POTEJ: variants seen among roughly 807,000 people sequenced by gnomAD.
POTEJ encodes the protein POTE ankyrin domain family, member J.
POTEJ carries 11 observed loss-of-function variants against 69.0 expected under a neutral mutation model. The ratio of observed to expected loss-of-function variants is 0.16; its 90% CI spans 0.10 to 0.26. The LOEUF (loss-of-function observed/expected upper bound fraction) is 0.26. Ranked by LOEUF, POTEJ falls within the 10% of genes least tolerant of loss-of-function variation. POTEJ has a pLI of 1.00. For synonymous variants in POTEJ, 117 were observed against 381.1 expected (o/e 0.31, Z 8.07); for missense variants, 327 against 1,045.5 (o/e 0.31, Z 9.48).
intron 4 of POTEJ, among the ~76,000 whole-genome samples, chr2:130,620,630 T>G (rs377137537): frequency 3.2e-5 from 2 of 62,830 alleles, no homozygotes; most frequent in Non-Finnish European, 5.2e-5. Flanking sequence ...GTTAGCTTAT[T>G]GCTACATGAC....
intron 6 of POTEJ, among the ~76,000 whole-genome samples, chr2:130,625,256 A>C (rs1685660905): frequency 6.6e-6 from 1 of 152,134 alleles, no homozygotes; most frequent in South Asian, 2.1e-4. Context: ...ATTTACAAAG[A>C]AAACATTGCT....
intron 10 of POTEJ, among the ~76,000 whole-genome samples, chr2:130,640,122 T>C (rs1686292809): frequency 6.7e-6 from 1 of 149,114 alleles, no homozygotes; most frequent in Non-Finnish European, 1.5e-5. Flanking sequence ...AGAAGAATTT[T>C]TCAGGGAAAG....
intron 1 of POTEJ, among the ~76,000 whole-genome samples, chr2:130,613,566 A>G (rs1423076713): frequency 7.4e-6 from 1 of 135,114 alleles, no homozygotes; most frequent in Non-Finnish European, 1.5e-5. Context: ...ATGCCTGGCT[A>G]ATTGTTTTGT....
At chr2:130,614,167 G>GA (rs71273213) in intron 1 of POTEJ, among the ~76,000 whole-genome samples, 343 of 51,956 alleles carry the variant, frequency 6.6e-3, no homozygotes, top group Middle Eastern at 0.025. Context: ...AAAAAAAAAA[G>GA]AAAAAAAAAA....
intron 13 of POTEJ, among the ~76,000 whole-genome samples, chr2:130,650,129 T>G (rs1443574728): frequency 0.011 from 1,618 of 144,392 alleles, 4 homozygotes; most frequent in African/African-American, 0.045. Flanking sequence ...TTGAGGGAAG[T>G]TTCAATGAAA....
At chr2:130,628,796 C>G (rs1245279965) in intron 6 of POTEJ, among the ~76,000 whole-genome samples, 2 of 149,816 alleles carry the variant, frequency 1.3e-5, no homozygotes, top group Admixed American at 1.3e-4. Flanking sequence ...CTGGAGCAGG[C>G]AGATCACAAG....
chr2:130,613,384 G>GTGTATATATATA (rs775956806), intron 1 of POTEJ, among the ~76,000 whole-genome samples: 2 of 83,578 alleles, frequency 2.4e-5, no homozygotes, highest in African/African-American at 4.6e-5. Context: ...GTGTGTGTGT[G>GTGTATATATATA]TATATATATA....
chr2:130,657,552 G>A lies in POTEJ; in HGVS notation c.2792G>A (p.Gly931Asp), dbSNP rs758787857. The change falls in exon 15 of 15, where the codon GGC becomes GAC. Residue 931 changes from glycine to aspartate, a missense_variant. Transcript: ENST00000409602. Reference sequence around the variant, plus strand: ...GCGCTCTTCCAGCCTTGCTTCCTGGGCATGGAATCCTGTGGCATCCATGAA... The same window carrying A: ...GCGCTCTTCCAGCCTTGCTTCCTGGACATGGAATCCTGTGGCATCCATGAA... ...PEALFQPCFL[G>D]MESCGIHETT... The A allele has an allele frequency of 5.1e-6, 8 of 1,562,044 alleles. 2 individuals carry two copies. The Admixed American group carries it at 6.9e-5, about 13-fold the overall frequency.
chr2:130,632,815 A>T (rs1217483037), intron 9 of POTEJ, among the ~76,000 whole-genome samples, 159 bp downstream of exon 9: 5 of 143,654 alleles, frequency 3.5e-5, no homozygotes, highest in African/African-American at 1.4e-4. Flanking sequence ...ATGAGTTACC[A>T]TTTTTCCAGT....
rs775956806 is a variant in POTEJ, at chr2:130,613,384, G to GTGTATATA, written c.410+1443_410+1444insGTATATAT. Among the ~76,000 whole-genome samples the GTGTATATA allele has an allele frequency of 3.0e-3, 250 of 83,554 alleles. 11 individuals are homozygous for GTGTATATA. Among genetic ancestry groups the GTGTATATA allele is most frequent in the African/African-American group, 9.8e-3 (213 of 21,798 alleles). 54.8% of individuals were successfully genotyped at this position (83,554 alleles called of 152,430 possible). On this transcript the variant is annotated intron_variant, in intron 1 of 14. Coordinates refer to ENST00000409602, the MANE Select transcript of POTEJ (RefSeq NM_001277083.2). The stretch of plus-strand genomic sequence containing the variant: ...TATACATATATATGTGTGTGTGTGT[G>GTGTATATA]TATATATATATATATATATATATAT...
chr2:130,639,027 A>G (rs1344291544), intron 10 of POTEJ, among the ~76,000 whole-genome samples: 1 of 152,382 alleles, frequency 6.6e-6, no homozygotes, highest in South Asian at 2.1e-4. Context: ...GATCCCTCAG[A>G]TGGGCAGTTC....
chr2:130,641,093 C>T (rs1218815939), intron 10 of POTEJ, among the ~76,000 whole-genome samples: 1 of 152,072 alleles, frequency 6.6e-6, no homozygotes, highest in African/African-American at 2.4e-5. Context: ...GTGTGAAAGC[C>T]ACCATGATTA....
chr2:130,640,214 A>G (rs1198266444), intron 10 of POTEJ, among the ~76,000 whole-genome samples: 231 of 139,340 alleles, frequency 1.7e-3, no homozygotes, highest in East Asian at 3.8e-3. Context: ...GAGATTGCCC[A>G]TTTGGGAGGA....
chr2:130,642,049 T>C (rs1159566173), intron 10 of POTEJ, among the ~76,000 whole-genome samples: 10 of 150,576 alleles, frequency 6.6e-5, no homozygotes, highest in African/African-American at 2.4e-4. Flanking sequence ...GCTCAGCAAA[T>C]TCGGTCCTAG....
chr2:130,639,156 G>C (rs1286884758), intron 10 of POTEJ, among the ~76,000 whole-genome samples: 1 of 152,310 alleles, frequency 6.6e-6, no homozygotes, highest in Admixed American at 6.5e-5. Context: ...AGCTTCCCTG[G>C]CTTGCCTGCT....
At position 130,657,470 on chromosome 2, in the gene POTEJ, G is replaced by C; in HGVS notation, c.2710G>C (p.Glu904Gln). The C allele has an allele frequency of 6.3e-7, 1 of 1,579,050 alleles. No homozygotes were observed. Among genetic ancestry groups the C allele is most frequent in the Non-Finnish European group, 8.7e-7 (1 of 1,154,884 alleles). ...ASSSSLEKSY[E>Q]LPDGQVITIS... ...CAGCTCCTCCCTAGAGAAGAGCTAC[G>C]AGCTGCCCGATGGCCAGGTCATCAC... The change falls in exon 15 of 15, where the codon GAG becomes CAG. Residue 904 changes from glutamate (E) to glutamine (Q), a missense_variant. By Grantham distance (29) the Glu-to-Gln change is conservative. Coordinates refer to ENST00000409602, the MANE Select transcript of POTEJ (RefSeq NM_001277083.2).
chr2:130,641,150 C>G (rs1686354847), intron 10 of POTEJ, among the ~76,000 whole-genome samples: 1 of 152,072 alleles, frequency 6.6e-6, no homozygotes, highest in Admixed American at 6.6e-5. Flanking sequence ...ACTTTATTTA[C>G]AAAACCATAA....
At chr2:130,640,560 C>T (rs1212137040) in intron 10 of POTEJ, among the ~76,000 whole-genome samples, 9 of 151,514 alleles carry the variant, frequency 5.9e-5, no homozygotes, top group East Asian at 3.9e-4. Flanking sequence ...GTTTTATTCA[C>T]GTCTCCTTTC....
chr2:130,634,028 C>T (rs1179779903), intron 9 of POTEJ, among the ~76,000 whole-genome samples: 1 of 150,902 alleles, frequency 6.6e-6, no homozygotes, highest in Non-Finnish European at 1.5e-5. Flanking sequence ...CCTCCCACCT[C>T]AGCCTCTCTA....
Sources: gnomAD v4.1 joint callset for allele counts (sites outside exome capture counted in the v4.1 genomes callset) on GRCh38, gnomAD v4.1.1 for gene constraint, MANE v1.5 for transcripts, NCBI Gene and HGNC (gene_info 2026-07-23, HGNC 2026-07-21) for gene names.